STXBP5L: variants seen among roughly 807,000 people sequenced by gnomAD.
STXBP5L encodes the protein syntaxin-binding protein 5-like.
In STXBP5L, 65 loss-of-function variants were observed where a neutral mutation model predicts 144.5. The ratio of observed to expected loss-of-function variants is 0.45; its 90% CI spans 0.37 to 0.55. The LOEUF is 0.55. Among genes scored for constraint, STXBP5L ranks in the 20% least tolerant of loss-of-function variants. STXBP5L has a pLI of 0.00. For missense variants in STXBP5L, 1,298 were observed against 1,405.5 expected, an observed-to-expected ratio of 0.92 and a Z score of 1.22; for synonymous variants, 505 against 469.6, an observed-to-expected ratio of 1.08 and a Z score of -0.97.
chr3:121,115,582 G>A (rs2044197830), intron 6 of STXBP5L, among the ~76,000 whole-genome samples: 2 of 152,108 alleles, frequency 1.3e-5, no homozygotes, highest in South Asian at 2.1e-4. Flanking sequence ...CATGTGAAAT[G>A]TGAAATTCTC....
At chr3:121,151,404 A>G (rs2045926947) in intron 7 of STXBP5L, among the ~76,000 whole-genome samples, 1 of 152,128 alleles carries the variant, frequency 6.6e-6, no homozygotes. Context: ...GCTTTAATGA[A>G]CTGATATTTG....
chr3:121,094,090 G>A (rs1332344829), intron 5 of STXBP5L, among the ~76,000 whole-genome samples: 1 of 152,008 alleles, frequency 6.6e-6, no homozygotes, highest in Non-Finnish European at 1.5e-5. Context: ...TTTTGAGTGA[G>A]TGTCTTAATC....
intron 9 of STXBP5L, among the ~76,000 whole-genome samples, chr3:121,168,499 A>G (rs1165397180): frequency 6.6e-6 from 1 of 152,138 alleles, no homozygotes; most frequent in Non-Finnish European, 1.5e-5. Context: ...AATATAAATG[A>G]CCTGATGGAG....
intron 20 of STXBP5L, among the ~76,000 whole-genome samples, chr3:121,377,340 T>G (rs2046213107): frequency 6.6e-6 from 1 of 152,168 alleles, no homozygotes; most frequent in African/African-American, 2.4e-5. Flanking sequence ...ACAAATGTGA[T>G]CTAATTAAAC....
At chr3:121,410,457 T>C (rs374930239) in intron 23 of STXBP5L, among the ~76,000 whole-genome samples, 1 of 152,062 alleles carries the variant, frequency 6.6e-6, no homozygotes, top group Non-Finnish European at 1.5e-5. Flanking sequence ...CTCTGCTCTA[T>C]GGTTTAAAGA....
At chr3:121,407,925 A>G (rs760540780) in intron 23 of STXBP5L, among the ~76,000 whole-genome samples, 1 of 152,002 alleles carries the variant, frequency 6.6e-6, no homozygotes, top group East Asian at 1.9e-4. Flanking sequence ...ATGCTACACT[A>G]AGCACTGGAA....
intron 7 of STXBP5L, among the ~76,000 whole-genome samples, chr3:121,127,765 T>C (rs573513336): frequency 4.5e-4 from 69 of 152,106 alleles, no homozygotes; most frequent in Non-Finnish European, 3.5e-4. Context: ...TGGAAAAATT[T>C]ATATAGATAA....
At chr3:121,210,066 C>G (rs945390676) in intron 10 of STXBP5L, among the ~76,000 whole-genome samples, 1 of 152,142 alleles carries the variant, frequency 6.6e-6, no homozygotes, top group Non-Finnish European at 1.5e-5. Context: ...TAAAAGTGTT[C>G]CTATTTCTCC....
Position 120,919,969 on chromosome 3 carries a change from A to G in STXBP5L, c.189+10202A>G, listed in dbSNP as rs532285788. On this transcript the variant is annotated intron_variant, in intron 2 of 26. Transcript: ENST00000471454. ...TCTACTATTTTTGAATTATTTTATA[A>G]TGTATTTGATATCTTTCTCTTTGTC... is the stretch of plus-strand genomic sequence containing the variant. 2.0e-5 allele frequency among the ~76,000 whole-genome samples: 3 copies of G among 151,476 alleles called. No homozygotes were observed. The South Asian group carries it at 6.2e-4, about 31-fold the overall frequency.
chr3:121,417,656 G>C (rs1360936913), intron 25 of STXBP5L, among the ~76,000 whole-genome samples: 2 of 152,044 alleles, frequency 1.3e-5, no homozygotes, highest in Non-Finnish European at 2.9e-5. Context: ...GTAGAGACAG[G>C]GTTTCACCAT....
chr3:121,373,477 A>G lies in STXBP5L; in HGVS notation c.2177-5239A>G, dbSNP rs561691419. ...ATTTTGAGAGCAGAGTAAACACCAAACTACATCCCGCCCTGGTGCCCAATG... is the reference window on the plus strand; with the variant it reads ...ATTTTGAGAGCAGAGTAAACACCAAGCTACATCCCGCCCTGGTGCCCAATG... On this transcript the variant is annotated intron_variant, in intron 20 of 26. Coordinates refer to ENST00000471454, the MANE Select transcript of STXBP5L (RefSeq NM_001308330.2). Among the ~76,000 whole-genome samples the G allele has an allele frequency of 2.4e-4, 36 of 152,168 alleles. 1 individual carries two copies. In the South Asian group the frequency reaches 7.3e-3, roughly 31 times the overall value.
chr3:121,122,876 G>T (rs1219394552), intron 7 of STXBP5L, among the ~76,000 whole-genome samples: 1 of 151,290 alleles, frequency 6.6e-6, no homozygotes, highest in Non-Finnish European at 1.5e-5. Context: ...AAAGTGGGAG[G>T]TAATATTTCC....
At chr3:121,177,879 G>A (rs1396676089) in intron 9 of STXBP5L, among the ~76,000 whole-genome samples, 1 of 152,174 alleles carries the variant, frequency 6.6e-6, no homozygotes, top group Non-Finnish European at 1.5e-5. Context: ...CAACTGAATT[G>A]TCCTTCAACA....
At chr3:120,935,667 T>G (rs1306752812) in intron 2 of STXBP5L, among the ~76,000 whole-genome samples, 2 of 152,098 alleles carry the variant, frequency 1.3e-5, no homozygotes, top group African/African-American at 2.4e-5. Context: ...GTGTTTTTCT[T>G]TCAACACTTT....
intron 3 of STXBP5L, among the ~76,000 whole-genome samples, chr3:120,967,630 T>G (rs528478437): frequency 6.6e-6 from 1 of 152,304 alleles, no homozygotes; most frequent in African/African-American, 2.4e-5. Context: ...ATTTCTTTCC[T>G]TCTACTAATT....
intron 20 of STXBP5L, among the ~76,000 whole-genome samples, chr3:121,326,161 AT>A (rs779754618): frequency 6.6e-6 from 1 of 152,034 alleles, no homozygotes; most frequent in African/African-American, 2.4e-5. Context: ...AATATATTAT[AT>A]ATTTTAAGAT....
chr3:121,344,905 A>G (rs1164171480), intron 20 of STXBP5L, among the ~76,000 whole-genome samples: 1 of 150,736 alleles, frequency 6.6e-6, no homozygotes, highest in East Asian at 1.9e-4. Flanking sequence ...AAACTTTAAA[A>G]TTACAAAGAA....
chr3:121,206,847 C>G (rs750750598), intron 10 of STXBP5L, among the ~76,000 whole-genome samples: 1 of 152,074 alleles, frequency 6.6e-6, no homozygotes. Context: ...TCCTATAAAT[C>G]AACAAGTTCC....
intron 3 of STXBP5L, among the ~76,000 whole-genome samples, chr3:121,010,239 A>G (rs1944670263): frequency 6.6e-6 from 1 of 151,742 alleles, no homozygotes; most frequent in Non-Finnish European, 1.5e-5. Flanking sequence ...ATGACTATAT[A>G]TATCTTTGGG....
Sources: gnomAD v4.1 joint callset for allele counts (sites outside exome capture counted in the v4.1 genomes callset) on GRCh38, gnomAD v4.1.1 for gene constraint, MANE v1.5 for transcripts, NCBI Gene and HGNC (gene_info 2026-07-23, HGNC 2026-07-21) for gene names.